The following RNF157 variants were observed in gnomAD, a reference collection of about 807,000 sequenced individuals.
The protein encoded by RNF157 is E3 ubiquitin ligase RNF157.
In RNF157, 55 loss-of-function variants were observed where a neutral mutation model predicts 88.3. That is an observed-to-expected ratio of 0.62 (90% confidence interval 0.50 to 0.78). The LOEUF (loss-of-function observed/expected upper bound fraction) is 0.78. Among genes scored for constraint, RNF157 ranks in the 30% least tolerant of loss-of-function variants. The pLI is 0.00. For missense variants in RNF157, 788 were observed against 860.8 expected (o/e 0.92, Z 1.06); for synonymous variants, 334 against 341.2 (o/e 0.98, Z 0.23).
At position 76,176,752 on chromosome 17, in the gene RNF157, G is replaced by A. The variant is rs948273603; in HGVS notation, c.208-2962C>T. 2.6e-5 allele frequency among the ~76,000 whole-genome samples: 4 copies of A among 152,216 alleles called. No individual in the cohort carries two copies. Among genetic ancestry groups the A allele is most frequent in the Non-Finnish European group, 5.9e-5 (4 of 68,036 alleles). ...GGGCAAAGAGGAGCCCCGAGGCGGA[G>A]CTGGGCCTTGGCCAGTGTCCCGCTT... On this transcript the variant is annotated intron_variant, in intron 2 of 18. Coordinates refer to ENST00000269391, the MANE Select transcript of RNF157 (RefSeq NM_052916.3). The surrounding 1 kb of genome is among the most constrained non-coding windows in gnomAD (Gnocchi z 4.2).
intron 16 of RNF157, among the ~76,000 whole-genome samples, chr17:76,154,969 A>T (rs2068739370): frequency 6.6e-6 from 1 of 152,236 alleles, no homozygotes; most frequent in Admixed American, 6.5e-5. Context: ...ATGAAGGACA[A>T]TATATTCTCA....
Position 76,160,080 on chromosome 17 carries a change from A to G in RNF157, c.1066-507T>C, listed in dbSNP as rs535044217. Among the ~76,000 whole-genome samples the G allele has an allele frequency of 6.6e-6, 1 of 152,196 alleles. No homozygotes were observed. Among genetic ancestry groups the G allele is most frequent in the East Asian group, 1.9e-4 (1 of 5,200 alleles). ...ATTGATCCTCCCACCATGGCCTCCCAAAGTGCTAGGATTACAGATGTAAGC... is the reference window on the plus strand; with the variant it reads ...ATTGATCCTCCCACCATGGCCTCCCGAAGTGCTAGGATTACAGATGTAAGC... On this transcript the variant is annotated intron_variant, in intron 11 of 18. Transcript: ENST00000269391. The surrounding 1 kb of genome is among the most constrained non-coding windows in gnomAD (Gnocchi z 4.3).
At chr17:76,226,774 C>A (rs2070095324) in intron 1 of RNF157, 1 of 1,573,300 alleles carries the variant, frequency 6.4e-7, no homozygotes, top group Non-Finnish European at 8.6e-7. Flanking sequence ...CCCCCACCAA[C>A]ACCTCGTTGC....
At chr17:76,184,850 C>T (rs1165664780) in intron 2 of RNF157, among the ~76,000 whole-genome samples, 1 of 152,212 alleles carries the variant, frequency 6.6e-6, no homozygotes, top group Non-Finnish European at 1.5e-5. Context: ...TTATAGTCTT[C>T]GAACTCCTCT....
chr17:76,197,141 A>C (rs2069491363), intron 2 of RNF157, among the ~76,000 whole-genome samples: 1 of 152,142 alleles, frequency 6.6e-6, no homozygotes, highest in Non-Finnish European at 1.5e-5. Flanking sequence ...CCCATCACTG[A>C]GGTGGGTGGA....
At chr17:76,212,324 A>G (rs762236007) in intron 2 of RNF157, 40 bp downstream of exon 2, 38 of 1,367,668 alleles carry the variant, frequency 2.8e-5, no homozygotes, top group Middle Eastern at 1.8e-4. Context: ...TGAATTGGCC[A>G]CTTAAGCTCC....
rs1409119866 is a variant in RNF157 at position 76,225,163 on chromosome 17, C to T, written c.89-12681G>A. Among the ~76,000 whole-genome samples, 3 of 151,842 alleles carry T rather than the reference C, an allele frequency of 2.0e-5. No individual in the cohort carries two copies. The East Asian group carries it at 5.8e-4, about 29-fold the overall frequency. ...CTCCAGCCTAGGCAACAGAGTGAGCCTCCATCTCAAAAATATAAAAATAAA... is the reference window on the plus strand; with the variant it reads ...CTCCAGCCTAGGCAACAGAGTGAGCTTCCATCTCAAAAATATAAAAATAAA... On this transcript the variant is annotated intron_variant, in intron 1 of 18. Transcript: ENST00000269391.
In RNF157 at chr17:76,152,345, T is replaced by TGACACTCACCAGGTAAGCAGACC; in HGVS notation, c.1908_1921+9dup. 1 of 1,551,860 alleles carries TGACACTCACCAGGTAAGCAGACC rather than the reference T, an allele frequency of 6.4e-7. No individual in the cohort carries two copies. The highest frequency in any genetic ancestry group is 1.1e-5 in the South Asian group (1 of 89,876). On this transcript the variant is annotated intron_variant, in intron 18 of 18. Coordinates refer to ENST00000269391, the MANE Select transcript of RNF157 (RefSeq NM_052916.3). ...CCCACCAAGTTCATGTTCAGCAGAC[T>TGACACTCACCAGGTAAGCAGACC]GACACTCACCAGGTAAGCAGACCTC...
chr17:76,150,997 T>C (rs150605508), intron 18 of RNF157, among the ~76,000 whole-genome samples: 342 of 152,346 alleles, frequency 2.2e-3, no homozygotes, highest in African/African-American at 7.1e-3. Context: ...GGCAAAATGA[T>C]GTGAAACACA....
In RNF157 at chr17:76,155,269, C is replaced by T. The variant is rs777291061; in HGVS notation, c.1747G>A (p.Gly583Arg). 10 of 1,614,214 alleles carry T rather than the reference C, an allele frequency of 6.2e-6. No individual in the cohort carries two copies. The East Asian group carries it at 1.8e-4, about 29-fold the overall frequency. The change falls in exon 16 of 19, where the codon GGA becomes AGA. Residue 583 changes from glycine (G) to arginine (R), a missense_variant. By Grantham distance (125) the Gly-to-Arg change is moderately radical. Coordinates refer to ENST00000269391, the MANE Select transcript of RNF157 (RefSeq NM_052916.3). Reference sequence around the variant, plus strand: ...GGGGTTACCTCTGCATCCTGCTCTCCAGCTGGGAGGCCAGCAAAGTTGCTG... The same window carrying T: ...GGGGTTACCTCTGCATCCTGCTCTCTAGCTGGGAGGCCAGCAAAGTTGCTG... ...PDSNFAGLPA[G>R]EQDAEGNDVI...
intron 16 of RNF157, 65 bp downstream of exon 16, chr17:76,155,187 C>T (rs2068743435): frequency 6.8e-7 from 1 of 1,460,304 alleles, no homozygotes; most frequent in Non-Finnish European, 9.6e-7. Flanking sequence ...TACTGGCATC[C>T]CCAGCCAAGG....
chr17:76,152,500 G>T, intron 17 of RNF157, 35 bp from the exon 18 acceptor site: 3 of 1,357,602 alleles, frequency 2.2e-6, no homozygotes, highest in Non-Finnish European at 3.2e-6. Context: ...AGAGGGGCTG[G>T]CTGTGTTTTT....
intron 2 of RNF157, among the ~76,000 whole-genome samples, chr17:76,203,044 G>A (rs1038136231): frequency 7.9e-5 from 12 of 152,144 alleles, no homozygotes; most frequent in African/African-American, 2.9e-4. Context: ...AGGCTGGAGT[G>A]CAGTGGCATG....
intron 8 of RNF157, chr17:76,164,299 AGAAAAGGAATG>A (rs886653942): frequency 1.3e-5 from 2 of 152,774 alleles, no homozygotes. Flanking sequence ...TTTGAATTTT[AGAAAAGGAATG>A]GATAAATTAA....
Position 76,146,617 on chromosome 17 carries a change from G to A in RNF157, c.1922-1264C>T, listed in dbSNP as rs2068589217. 1 of 985,482 alleles carries A rather than the reference G, an allele frequency of 1.0e-6. No individual in the cohort carries two copies. The highest frequency in any genetic ancestry group is 1.2e-6 in the Non-Finnish European group (1 of 829,940). 61.0% of individuals were successfully genotyped at this position (985,482 alleles called of 1,614,324 possible). On this transcript the variant is annotated intron_variant, in intron 18 of 18. Transcript: ENST00000269391. The surrounding 1 kb of genome is among the most constrained non-coding windows in gnomAD (Gnocchi z 4.2). The stretch of plus-strand genomic sequence containing the variant: ...CCCCTCACGAGGCATCTCTGGCCGG[G>A]GGAGGCCCAGTGTGCTCCTAAGTGC...
At chr17:76,221,108 C>T (rs954849808) in intron 1 of RNF157, among the ~76,000 whole-genome samples, 2 of 151,832 alleles carry the variant, frequency 1.3e-5, no homozygotes, top group African/African-American at 2.4e-5. Context: ...GCAACAGAGA[C>T]CCTATTTCAA....
chr17:76,173,303 A>G (rs2069049360), intron 3 of RNF157, among the ~76,000 whole-genome samples: 2 of 152,222 alleles, frequency 1.3e-5, no homozygotes, highest in South Asian at 4.1e-4. Context: ...AAAAGAAAAG[A>G]AAAAGAAAAT....
Position 76,177,764 on chromosome 17 carries a change from G to C in RNF157, c.208-3974C>G, listed in dbSNP as rs543696122. Among the ~76,000 whole-genome samples the C allele has an allele frequency of 3.0e-4, 45 of 152,278 alleles. 1 individual carries two copies. In the South Asian group the frequency reaches 8.9e-3, roughly 30 times the overall value. On this transcript the variant is annotated intron_variant, in intron 2 of 18. Coordinates refer to ENST00000269391, the MANE Select transcript of RNF157 (RefSeq NM_052916.3). ...AGGTTGGGACCACCAGCTGCAGAGAGGAGCAACCTACTCCAGTGCCTCCTC... is the reference window on the plus strand; with the variant it reads ...AGGTTGGGACCACCAGCTGCAGAGACGAGCAACCTACTCCAGTGCCTCCTC...
rs527831830 is a variant in RNF157, at chr17:76,143,621, C to G, written c.*1614G>C. 6 of 152,330 alleles carry G rather than the reference C, an allele frequency of 3.9e-5. No homozygotes were observed. In the South Asian group the frequency reaches 1.2e-3, roughly 32 times the overall value. 9.4% of individuals were successfully genotyped at this position (152,330 alleles called of 1,614,324 possible). ...AGAGAGGGTTGGACGACAGGCCCCC[C>G]TCTCCATCAGGGCAGGATGTGAGCC... On this transcript the variant is annotated 3_prime_UTR_variant, in exon 19 of 19. Coordinates refer to ENST00000269391, the MANE Select transcript of RNF157 (RefSeq NM_052916.3).
Sources: gnomAD v4.1 joint callset for allele counts (sites outside exome capture counted in the v4.1 genomes callset) on GRCh38, gnomAD v4.1.1 for gene constraint, Gnocchi (gnomAD v3.1) non-coding constraint, MANE v1.5 for transcripts, NCBI Gene and HGNC (gene_info 2026-07-23, HGNC 2026-07-21) for gene names.